Variants in UNC79 observed in about 807,000 individuals in gnomAD.
UNC79 encodes protein unc-79 homolog.
A neutral mutation model predicts 283.1 loss-of-function variants in UNC79; 37 were observed. The ratio of observed to expected loss-of-function variants is 0.13; its 90% CI spans 0.10 to 0.17. The LOEUF is 0.17. Among genes scored for constraint, UNC79 ranks in the 10% least tolerant of loss-of-function variants. UNC79 has a pLI of 1.00. For synonymous variants in UNC79, 1,107 were observed against 1,200.2 expected (o/e 0.92, Z 1.61); for missense variants, 2,272 against 3,211.1 (o/e 0.71, Z 7.07).
chr14:93,368,038 C>A (rs2054369494), intron 1 of UNC79, among the ~76,000 whole-genome samples: 1 of 152,150 alleles, frequency 6.6e-6, no homozygotes, highest in African/African-American at 2.4e-5. Flanking sequence ...AATCTTTGTT[C>A]CTATTTGACC....
intron 14 of UNC79, among the ~76,000 whole-genome samples, chr14:93,551,135 C>T (rs564991033): frequency 9.7e-4 from 147 of 152,174 alleles, no homozygotes; most frequent in African/African-American, 3.2e-3. Context: ...CTGCAAGCTC[C>T]GCCTCCCGGG....
At chr14:93,706,803 G>C in exon 49 of UNC79, 1 of 1,614,240 alleles carries the variant, frequency 6.2e-7, no homozygotes, top group Non-Finnish European at 8.5e-7. Context: ...GAGCAGTGCT[G>C]GCCTGGCAGC....
chr14:93,477,787 C>T (rs1370331756), intron 4 of UNC79, 59 bp downstream of exon 4: 1 of 1,530,608 alleles, frequency 6.5e-7, no homozygotes, highest in African/African-American at 1.4e-5. Flanking sequence ...ATGGAAATTG[C>T]TTTTGCTGTT....
At chr14:93,335,631 T>C (rs745471797) in intron 1 of UNC79, among the ~76,000 whole-genome samples, 1 of 152,360 alleles carries the variant, frequency 6.6e-6, no homozygotes, top group South Asian at 2.1e-4. Context: ...AGATGTTTCT[T>C]CTTACTCTAT....
chr14:93,490,565 T>C (rs932991506), intron 5 of UNC79, among the ~76,000 whole-genome samples: 1 of 152,188 alleles, frequency 6.6e-6, no homozygotes, highest in Non-Finnish European at 1.5e-5. Flanking sequence ...TGAACACAAT[T>C]CAGCCAAGTT....
intron 47 of UNC79, among the ~76,000 whole-genome samples, chr14:93,700,355 A>G (rs1471059342): frequency 6.6e-6 from 1 of 152,124 alleles, no homozygotes; most frequent in Non-Finnish European, 1.5e-5. Flanking sequence ...TTCTTCAAAT[A>G]TTTTATTCAG....
Position 93,532,098 on chromosome 14 carries a change from CTGTT to C in UNC79, c.1094-449_1094-446del, listed in dbSNP as rs143759924. Among the ~76,000 whole-genome samples the C allele has an allele frequency of 3.1e-3, 479 of 152,070 alleles. 2 individuals are homozygous for C. The highest frequency in any genetic ancestry group is 5.8e-3 in the Non-Finnish European group (395 of 67,984). ...GATAATTTATGAGCCAAGTGAAAAT[CTGTT>C]TGGGCCAAGTCCAGAGGTCATATTA... On this transcript the variant is annotated intron_variant, in intron 10 of 48. Coordinates refer to ENST00000555664, the Ensembl canonical transcript of UNC79.
chr14:93,627,914 T>TA (rs1419997693), intron 30 of UNC79, among the ~76,000 whole-genome samples: 1 of 152,246 alleles, frequency 6.6e-6, no homozygotes. Flanking sequence ...ACCTTCTTCT[T>TA]ACCTCCACTG....
At chr14:93,537,741 T>A (rs2061161708) in intron 11 of UNC79, among the ~76,000 whole-genome samples, 1 of 152,192 alleles carries the variant, frequency 6.6e-6, no homozygotes, top group Admixed American at 6.5e-5. Context: ...TACACAGGGC[T>A]TCCCAACACA....
intron 5 of UNC79, among the ~76,000 whole-genome samples, chr14:93,493,173 G>A (rs980537019): frequency 1.4e-4 from 22 of 152,130 alleles, no homozygotes; most frequent in African/African-American, 5.3e-4. Context: ...GATGAATAAT[G>A]TGAACAAGGC....
chr14:93,555,410 A>T lies in UNC79; in HGVS notation c.1755+12714A>T, dbSNP rs1326629307. ...TTTTAAGATTTTCTTCCTTTTTTTTAAATTAATTTTTGAGATGGAGTCTCT... is the reference window on the plus strand; with the variant it reads ...TTTTAAGATTTTCTTCCTTTTTTTTTAATTAATTTTTGAGATGGAGTCTCT... On this transcript the variant is annotated intron_variant, in intron 14 of 48. Transcript: ENST00000555664. Among the ~76,000 whole-genome samples, 3 of 151,732 alleles carry T rather than the reference A, an allele frequency of 2.0e-5. No homozygotes were observed. In the East Asian group the frequency reaches 5.8e-4, roughly 29 times the overall value.
chr14:93,399,751 A>G (rs991814624), intron 1 of UNC79, among the ~76,000 whole-genome samples: 10 of 152,086 alleles, frequency 6.6e-5, no homozygotes, highest in Non-Finnish European at 1.0e-4. Flanking sequence ...CAAGTAGTAG[A>G]GGGTTTATTG....
At chr14:93,604,948 C>G in intron 26 of UNC79, 1 of 1,579,684 alleles carries the variant, frequency 6.3e-7, no homozygotes, top group Non-Finnish European at 8.5e-7. Flanking sequence ...GTGGGACACC[C>G]GAACAGACGC....
At chr14:93,471,111 A>T (rs1223099315) in intron 2 of UNC79, among the ~76,000 whole-genome samples, 1 of 152,200 alleles carries the variant, frequency 6.6e-6, no homozygotes, top group Non-Finnish European at 1.5e-5. Flanking sequence ...TGGATTGTAG[A>T]TGCAGCATAA....
At chr14:93,600,029 T>A (rs2065381618) in intron 24 of UNC79, among the ~76,000 whole-genome samples, 1 of 151,734 alleles carries the variant, frequency 6.6e-6, no homozygotes, top group Non-Finnish European at 1.5e-5. Flanking sequence ...TGAAACCTCG[T>A]CTCTACTAAA....
At chr14:93,400,581 A>G (rs1301507936) in intron 1 of UNC79, among the ~76,000 whole-genome samples, 2 of 152,204 alleles carry the variant, frequency 1.3e-5, no homozygotes, top group Non-Finnish European at 1.5e-5. Context: ...CAGCCTTTTA[A>G]GGCAGAAATG....
intron 7 of UNC79, among the ~76,000 whole-genome samples, chr14:93,504,096 T>G (rs1247200847): frequency 6.6e-6 from 1 of 151,996 alleles, no homozygotes; most frequent in Non-Finnish European, 1.5e-5. Context: ...TGTCTCTGGA[T>G]TCTTAGTTCA....
intron 5 of UNC79, among the ~76,000 whole-genome samples, chr14:93,491,269 G>C (rs1476680768): frequency 6.6e-6 from 1 of 151,890 alleles, no homozygotes; most frequent in African/African-American, 2.4e-5. Context: ...CATTCTTTAA[G>C]TATGAAATCT....
upstream of UNC79, chr14:93,333,183 T>C (rs1286021523): frequency 7.5e-6 from 3 of 399,780 alleles, no homozygotes; most frequent in East Asian, 3.6e-5. Context: ...GGGCGGTGCG[T>C]TCGCTGGATC....
Sources: allele counts gnomAD v4.1 joint callset (sites outside exome capture counted in the v4.1 genomes callset), GRCh38; gene constraint gnomAD v4.1.1; transcripts MANE v1.5; gene names NCBI Gene and HGNC (gene_info 2026-07-23, HGNC 2026-07-21).